ELMO1: variants seen among roughly 807,000 people sequenced by gnomAD.
ELMO1 encodes engulfment and cell motility protein 1.
ELMO1 carries 26 observed loss-of-function variants against 98.9 expected under a neutral mutation model. The ratio of observed to expected loss-of-function variants is 0.26; its 90% confidence interval spans 0.19 to 0.36. The LOEUF (loss-of-function observed/expected upper bound fraction) is 0.36, where lower values mean the gene tolerates loss of function less well. Among genes scored for constraint, ELMO1 ranks in the 10% least tolerant of loss-of-function variants. The pLI, the probability that ELMO1 is intolerant of heterozygous loss-of-function variation, is 1.00. For synonymous variants in ELMO1, 346 were observed against 346.0 expected, an observed-to-expected ratio of 1.00 and a Z score of 0.00; for missense variants, 627 against 935.2, an observed-to-expected ratio of 0.67 and a Z score of 4.30.
intron 1 of ELMO1, among the ~76,000 whole-genome samples, chr7:37,435,677 C>T (rs919807750): frequency 2.0e-5 from 3 of 152,256 alleles, no homozygotes; most frequent in African/African-American, 4.8e-5. Context: ...TCATTACACA[C>T]TTGCACATGC....
intron 16 of ELMO1, among the ~76,000 whole-genome samples, chr7:36,922,694 G>T (rs998506188): frequency 6.6e-6 from 1 of 152,176 alleles, no homozygotes; most frequent in African/African-American, 2.4e-5. Flanking sequence ...CATCAAAGGG[G>T]CATGGTGGCT....
At chr7:37,029,763 A>G (rs1309874381) in intron 15 of ELMO1, among the ~76,000 whole-genome samples, 1 of 152,212 alleles carries the variant, frequency 6.6e-6, no homozygotes, top group Non-Finnish European at 1.5e-5. Context: ...TACGAATAAA[A>G]CATTCTTTTT....
chr7:37,198,712 G>A (rs947883916), intron 13 of ELMO1, among the ~76,000 whole-genome samples: 1 of 152,226 alleles, frequency 6.6e-6, no homozygotes, highest in Non-Finnish European at 1.5e-5. Flanking sequence ...TGCACCTGCT[G>A]GATGGTGCCC....
chr7:36,977,572 C>T (rs528334219), intron 16 of ELMO1, among the ~76,000 whole-genome samples: 8 of 152,342 alleles, frequency 5.3e-5, no homozygotes, highest in East Asian at 1.9e-4. Flanking sequence ...TTCTCCTTAA[C>T]GGTTCTAACA....
intron 16 of ELMO1, among the ~76,000 whole-genome samples, chr7:36,905,879 A>G (rs1253361218): frequency 6.6e-6 from 1 of 152,270 alleles, no homozygotes; most frequent in East Asian, 1.9e-4. Context: ...TACTACAAAG[A>G]AATAAATGAA....
At chr7:37,307,714 T>C (rs9655380) in intron 4 of ELMO1, among the ~76,000 whole-genome samples, 64,654 of 152,086 alleles carry the variant, frequency 0.43, 14,486 homozygotes, top group East Asian at 0.7. Flanking sequence ...TAATAGATAG[T>C]AAGCTCTTCG....
chr7:37,001,419 T>C (rs1438671003), intron 16 of ELMO1, among the ~76,000 whole-genome samples: 1 of 152,230 alleles, frequency 6.6e-6, no homozygotes, highest in East Asian at 1.9e-4. Context: ...GAGCAGATAC[T>C]ACTTAAAAGC....
chr7:37,072,844 T>G (rs1797354641), intron 15 of ELMO1, among the ~76,000 whole-genome samples: 1 of 152,190 alleles, frequency 6.6e-6, no homozygotes, highest in Non-Finnish European at 1.5e-5. Flanking sequence ...ACAATACATA[T>G]GTCAAAAAAT....
At chr7:36,908,646 A>G (rs868507014) in intron 16 of ELMO1, among the ~76,000 whole-genome samples, 1 of 152,240 alleles carries the variant, frequency 6.6e-6, no homozygotes, top group African/African-American at 2.4e-5. Flanking sequence ...ATAAATTTTA[A>G]ACTACATAGT....
chr7:36,949,834 C>A (rs916207313), intron 16 of ELMO1, among the ~76,000 whole-genome samples: 8 of 152,216 alleles, frequency 5.3e-5, no homozygotes, highest in African/African-American at 1.9e-4. Flanking sequence ...ACAAAACTAT[C>A]TCCAGACATT....
At chr7:37,392,459 C>T (rs1583676077) in intron 1 of ELMO1, among the ~76,000 whole-genome samples, 1 of 152,252 alleles carries the variant, frequency 6.6e-6, no homozygotes, top group East Asian at 1.9e-4. Context: ...TAGCTGAGGC[C>T]ATTCGCATAT....
At chr7:37,297,074 A>G (rs1798063609) in intron 4 of ELMO1, among the ~76,000 whole-genome samples, 1 of 151,770 alleles carries the variant, frequency 6.6e-6, no homozygotes, top group Non-Finnish European at 1.5e-5. Context: ...TAAGAAGTGT[A>G]AATATATGCA....
chr7:37,242,480 G>A (rs550230967), intron 7 of ELMO1, among the ~76,000 whole-genome samples: 6 of 152,180 alleles, frequency 3.9e-5, no homozygotes, highest in African/African-American at 7.2e-5. Context: ...ACTATAGGTC[G>A]TCTTTTCCTA....
chr7:37,043,506 CTG>C (rs1338877125), intron 15 of ELMO1, among the ~76,000 whole-genome samples: 1 of 152,180 alleles, frequency 6.6e-6, no homozygotes, highest in Non-Finnish European at 1.5e-5. Flanking sequence ...CAGATCTTGA[CTG>C]TGGAGTCGGC....
chr7:37,113,727 G>A (rs1388220245), intron 14 of ELMO1, among the ~76,000 whole-genome samples: 1 of 152,164 alleles, frequency 6.6e-6, no homozygotes, highest in Non-Finnish European at 1.5e-5. Context: ...CCTTTAAAGA[G>A]GTAATTAAAA....
intron 1 of ELMO1, among the ~76,000 whole-genome samples, chr7:37,378,588 T>C (rs556598471): frequency 2.0e-5 from 3 of 150,840 alleles, no homozygotes; most frequent in African/African-American, 7.3e-5. Flanking sequence ...ACTGCCGTGG[T>C]ATAAACGAAA....
intron 1 of ELMO1, among the ~76,000 whole-genome samples, chr7:37,344,186 C>G (rs1381659466): frequency 6.6e-6 from 1 of 151,970 alleles, no homozygotes; most frequent in Non-Finnish European, 1.5e-5. Context: ...CGCACACCAC[C>G]ACATCCGGCT....
intron 16 of ELMO1, among the ~76,000 whole-genome samples, chr7:36,947,206 G>A (rs1400193207): frequency 2.0e-5 from 3 of 152,154 alleles, no homozygotes; most frequent in Non-Finnish European, 4.4e-5. Context: ...TCACTTATAA[G>A]GGTGAACATG....
chr7:37,036,858 T>G (rs930528085), intron 15 of ELMO1, among the ~76,000 whole-genome samples: 3 of 152,184 alleles, frequency 2.0e-5, no homozygotes, highest in Admixed American at 6.5e-5. Flanking sequence ...AGCACCAGGA[T>G]TTGGCTCCCA....
Sources: allele counts gnomAD v4.1 joint callset (sites outside exome capture counted in the v4.1 genomes callset), GRCh38; gene constraint gnomAD v4.1.1; transcripts MANE v1.5; gene names NCBI Gene and HGNC (gene_info 2026-07-23, HGNC 2026-07-21).